Variants in RANGAP1 observed in about 807,000 individuals in gnomAD.
The protein encoded by RANGAP1 is ran GTPase-activating protein 1.
A neutral mutation model predicts 63.5 loss-of-function variants in RANGAP1; 38 were observed. The ratio of observed to expected loss-of-function variants is 0.60; its 90% confidence interval spans 0.46 to 0.78. The LOEUF (loss-of-function observed/expected upper bound fraction) is 0.78. Ranked by LOEUF, RANGAP1 falls within the 30% of genes least tolerant of loss-of-function variation. RANGAP1 has a pLI of 0.00. For synonymous variants in RANGAP1, 329 were observed against 310.5 expected, an observed-to-expected ratio of 1.06 and a Z score of -0.63; for missense variants, 630 against 740.3, an observed-to-expected ratio of 0.85 and a Z score of 1.73.
the RANGAP1 span, among the ~76,000 whole-genome samples, chr22:41,294,057 CGGTCTCCCTCTCCCTCTCTTTCCAA>C: frequency 2.2e-5 from 3 of 136,682 alleles, no homozygotes; most frequent in African/African-American, 2.7e-5. Flanking sequence ...CCTCTCCCCA[CGGTCTCCCTCTCCCTCTCTTTCCAA>C]GGTCTCCCTC....
At chr22:41,265,535 CAGG>C (rs946936075) in intron 4 of RANGAP1, among the ~76,000 whole-genome samples, 10 of 152,090 alleles carry the variant, frequency 6.6e-5, no homozygotes, top group South Asian at 2.1e-4. Context: ...CCTGTTCGTG[CAGG>C]AGGAGGGAGG....
At chr22:41,252,728 C>T (rs1436155069) in intron 12 of RANGAP1, 144 bp downstream of exon 12, 1 of 954,382 alleles carries the variant, frequency 1.0e-6, no homozygotes, top group Non-Finnish European at 1.4e-6. Context: ...GACATTTGCG[C>T]GTGTTGTAAC....
rs1329818401 is a variant in RANGAP1, at chr22:41,254,316, TA to T, written c.1251del (p.Asn418ThrfsTer32). ...SATPSRKILD[P>X]NTGEPAPVLS... The stretch of plus-strand genomic sequence containing the variant: ...AGATGATAGAAACTCACCCCAGTGT[TA>T]GGGTCCAGAATCTTCCGTGAGGGCG... On this transcript the variant is annotated frameshift_variant, in exon 11 of 16. Transcript: ENST00000356244. LOFTEE classifies it high-confidence loss of function. 6.2e-7 allele frequency: 1 copy of T among 1,614,012 alleles called. No homozygotes were observed. The highest frequency in any genetic ancestry group is 8.5e-7 in the Non-Finnish European group (1 of 1,180,028).
At chr22:41,262,555 G>A (rs890449711) in intron 5 of RANGAP1, among the ~76,000 whole-genome samples, 44 of 152,194 alleles carry the variant, frequency 2.9e-4, no homozygotes, top group African/African-American at 1.0e-3. Flanking sequence ...CGCACATGGC[G>A]GGTGGGTTGG....
intron 3 of RANGAP1, among the ~76,000 whole-genome samples, chr22:41,270,446 C>T (rs1388873926): frequency 6.6e-6 from 1 of 152,066 alleles, no homozygotes; most frequent in Non-Finnish European, 1.5e-5. Context: ...CATGCCCAGC[C>T]CTCCCTTATT....
intron 3 of RANGAP1, among the ~76,000 whole-genome samples, chr22:41,272,134 G>C (rs1345549781): frequency 6.6e-6 from 1 of 152,196 alleles, no homozygotes; most frequent in Non-Finnish European, 1.5e-5. Flanking sequence ...TGCTGTTAGG[G>C]CTTGATCCCA....
the RANGAP1 span, among the ~76,000 whole-genome samples, chr22:41,298,143 C>G: frequency 6.6e-6 from 1 of 152,074 alleles, no homozygotes; most frequent in African/African-American, 2.4e-5. Context: ...CAGGCATGAG[C>G]CACCGTGCCT....
At chr22:41,299,779 T>A in the RANGAP1 span, among the ~76,000 whole-genome samples, 4 of 149,572 alleles carry the variant, frequency 2.7e-5, no homozygotes, top group African/African-American at 9.9e-5. Context: ...TGAGACAGAG[T>A]CTCACTCTGT....
chr22:41,287,190 G>A (rs2035771895), upstream of RANGAP1, among the ~76,000 whole-genome samples: 1 of 152,126 alleles, frequency 6.6e-6, no homozygotes, highest in Admixed American at 6.6e-5. Flanking sequence ...GGACAAAAAG[G>A]ACATGATGTC....
chr22:41,247,957 C>A (rs555881175), intron 15 of RANGAP1, among the ~76,000 whole-genome samples: 101 of 152,286 alleles, frequency 6.6e-4, no homozygotes, highest in South Asian at 1.7e-3. Flanking sequence ...GCATTTTGCT[C>A]TGACCAACAA....
Position 41,245,962 on chromosome 22 carries a change from G to C in RANGAP1, c.*641C>G, listed in dbSNP as rs1172992302. ...AGCAGCTCCTGCTCCTGGACAATCTGGTGTCTGCCTGTCCACACGGTGTGG... is the reference window on the plus strand; with the variant it reads ...AGCAGCTCCTGCTCCTGGACAATCTCGTGTCTGCCTGTCCACACGGTGTGG... On this transcript the variant is annotated 3_prime_UTR_variant, in exon 16 of 16. Transcript: ENST00000356244. 2 of 152,774 alleles carry C rather than the reference G, an allele frequency of 1.3e-5. No individual in the cohort carries two copies. Among genetic ancestry groups the C allele is most frequent in the African/African-American group, 4.8e-5 (2 of 41,430 alleles). 9.5% of individuals were successfully genotyped at this position (152,774 alleles called of 1,614,324 possible). A position where few individuals can be genotyped will look rare whatever the true frequency, so the allele number is the denominator to read the frequency against.
chr22:41,272,552 C>T (rs1305791287), intron 3 of RANGAP1, among the ~76,000 whole-genome samples: 1 of 151,764 alleles, frequency 6.6e-6, no homozygotes, highest in African/African-American at 2.4e-5. Context: ...GATGGAGTCT[C>T]GCTCTGTTGC....
chr22:41,279,458 C>T (rs969825467), intron 2 of RANGAP1, among the ~76,000 whole-genome samples: 19 of 143,126 alleles, frequency 1.3e-4, no homozygotes, highest in Admixed American at 1.1e-3. Context: ...TGACAGAGCA[C>T]GACTCCATCT....
chr22:41,259,332 C>G (rs1228932560), intron 6 of RANGAP1, among the ~76,000 whole-genome samples: 1 of 152,132 alleles, frequency 6.6e-6, no homozygotes, highest in South Asian at 2.1e-4. Context: ...GAAGGCCAAC[C>G]TGGGCACACT....
At chr22:41,265,253 G>C (rs188148428) in intron 4 of RANGAP1, among the ~76,000 whole-genome samples, 11 of 152,234 alleles carry the variant, frequency 7.2e-5, no homozygotes, top group African/African-American at 2.7e-4. Flanking sequence ...TGGAAGGGAA[G>C]TGAGGGGTCA....
In RANGAP1 at chr22:41,249,379, C is replaced by T; in HGVS notation, c.1645G>A (p.Asp549Asn). The T allele has an allele frequency of 6.2e-7, 1 of 1,613,584 alleles. No individual in the cohort carries two copies. The highest frequency in any genetic ancestry group is 8.5e-7 in the Non-Finnish European group (1 of 1,179,738). Residue 549 changes from aspartate to asparagine, a missense_variant, in exon 15 of 16, where the codon GAC becomes AAC. Around this residue, in one of 3 missense-constraint regions of RANGAP1, gnomAD observed 428 missense variants for 465.5 expected, o/e 0.92. Transcript: ENST00000356244. ...GGTGCAAGGGCCTTGGGGAAATAGT[C>T]CTGCTGCACCATGTGGTTCAGCGCC... Reference protein sequence around the residue: ...LMALNHMVQQDYFPKALAPLL... With the variant: ...LMALNHMVQQNYFPKALAPLL...
intron 3 of RANGAP1, among the ~76,000 whole-genome samples, chr22:41,270,701 G>A (rs960227001): frequency 6.8e-4 from 103 of 152,242 alleles, no homozygotes; most frequent in African/African-American, 2.2e-3. Flanking sequence ...TGCTCCCACC[G>A]TACATACTAA....
At position 41,256,003 on chromosome 22, in the gene RANGAP1, C is replaced by A. The variant is rs748482813; in HGVS notation, c.1073+18G>T. ...AATGGCCTGACCCCGACCTCTGGGG[C>A]CACCCCGAGTTCCCTACCTGAGGGA... is the stretch of plus-strand genomic sequence containing the variant. On this transcript the variant is annotated intron_variant, in intron 10 of 15. Transcript: ENST00000356244. The A allele has an allele frequency of 1.2e-6, 2 of 1,610,182 alleles. No individual in the cohort carries two copies. The highest frequency in any genetic ancestry group is 8.5e-7 in the Non-Finnish European group (1 of 1,178,778).
At chr22:41,288,477 A>C (rs1217157747), upstream of RANGAP1, among the ~76,000 whole-genome samples, 1 of 152,210 alleles carries the variant, frequency 6.6e-6, no homozygotes, top group Non-Finnish European at 1.5e-5. Context: ...ATGTTTGCTT[A>C]AAATGAGTCA....
Sources: allele counts gnomAD v4.1 joint callset (sites outside exome capture counted in the v4.1 genomes callset), GRCh38; gene constraint gnomAD v4.1.1; regional missense constraint gnomAD v4.1.1; transcripts MANE v1.5; gene names NCBI Gene and HGNC (gene_info 2026-07-23, HGNC 2026-07-21).